Variants in TMTC2 observed in about 807,000 individuals in gnomAD.
The protein encoded by TMTC2 is transmembrane O-mannosyltransferase targeting cadherins 2.
Under a neutral mutation model 82.4 loss-of-function variants are expected in TMTC2, and 43 were observed. The ratio of observed to expected loss-of-function variants is 0.52; its 90% CI spans 0.41 to 0.67. The LOEUF is 0.67. TMTC2 is among the 30% of genes least tolerant of loss of function. The pLI, the probability that TMTC2 is intolerant of heterozygous loss-of-function variation, is 0.00. For missense variants in TMTC2, 919 were observed against 1,012.4 expected, an observed-to-expected ratio of 0.91 and a Z score of 1.25; for synonymous variants, 408 against 381.9, an observed-to-expected ratio of 1.07 and a Z score of -0.80.
intron 4 of TMTC2, among the ~76,000 whole-genome samples, chr12:82,932,018 G>A (rs771157614): frequency 1.1e-4 from 16 of 152,108 alleles, no homozygotes; most frequent in South Asian, 2.1e-4. Flanking sequence ...AGGTGCTTGC[G>A]GCTTGTGTTT....
At chr12:82,852,959 A>G (rs2083073306) in intron 1 of TMTC2, among the ~76,000 whole-genome samples, 1 of 152,336 alleles carries the variant, frequency 6.6e-6, no homozygotes, top group Admixed American at 6.5e-5. Context: ...GATAACACAC[A>G]TTGGAGAATT....
Position 82,940,754 on chromosome 12 carries a change from C to T in TMTC2, c.1598+10209C>T, listed in dbSNP as rs950105131. The stretch of plus-strand genomic sequence containing the variant: ...CCACCTTTTTTGCATAATACCTATA[C>T]ATCCTTTTTTTTCTCAGCTTAAGCA... On this transcript the variant is annotated intron_variant, in intron 4 of 11. Transcript: ENST00000321196. Among the ~76,000 whole-genome samples, 6 of 18,560 alleles carry T rather than the reference C, an allele frequency of 3.2e-4. 1 individual carries two copies. The highest frequency in any genetic ancestry group is 4.9e-4 in the Non-Finnish European group (6 of 12,126). The allele number at this position is 18,560 out of a possible 152,430, so 12.2% of individuals were successfully genotyped here.
chr12:82,837,304 T>A (rs540660610), intron 1 of TMTC2, among the ~76,000 whole-genome samples: 1 of 152,260 alleles, frequency 6.6e-6, no homozygotes, highest in South Asian at 2.1e-4. Context: ...TTAAATGATT[T>A]GATTCAATAA....
intron 10 of TMTC2, among the ~76,000 whole-genome samples, chr12:83,061,307 C>T (rs1360799971): frequency 1.3e-5 from 2 of 151,754 alleles, no homozygotes; most frequent in African/African-American, 2.4e-5. Flanking sequence ...AAGTTCCCTC[C>T]ATACTGGAAA....
At chr12:82,846,715 C>T (rs1870703837) in intron 1 of TMTC2, among the ~76,000 whole-genome samples, 1 of 152,126 alleles carries the variant, frequency 6.6e-6, no homozygotes. Context: ...TTCGGGGTCG[C>T]TGACCATTGG....
intron 1 of TMTC2, among the ~76,000 whole-genome samples, chr12:82,792,646 T>C (rs1774238961): frequency 6.6e-6 from 1 of 152,096 alleles, no homozygotes; most frequent in Admixed American, 6.5e-5. Flanking sequence ...TTTATTTTTT[T>C]CCATTTTTTG....
At chr12:82,767,228 G>A (rs1476564252) in intron 1 of TMTC2, among the ~76,000 whole-genome samples, 2 of 152,108 alleles carry the variant, frequency 1.3e-5, no homozygotes, top group African/African-American at 4.8e-5. Flanking sequence ...ATACTTTGTA[G>A]CTTTTTAATT....
At chr12:82,967,071 T>A in intron 7 of TMTC2, 74 bp downstream of exon 7, 1 of 1,161,870 alleles carries the variant, frequency 8.6e-7, no homozygotes, top group Non-Finnish European at 1.3e-6. Context: ...TGTTCGTGTT[T>A]AATGGAATTC....
chr12:82,773,181 A>C (rs1877398819), intron 1 of TMTC2, among the ~76,000 whole-genome samples: 1 of 152,110 alleles, frequency 6.6e-6, no homozygotes, highest in African/African-American at 2.4e-5. Context: ...TTCCTGAGTT[A>C]GTTATATTGG....
At chr12:82,869,896 C>T (rs1270773819) in intron 2 of TMTC2, among the ~76,000 whole-genome samples, 13 of 151,328 alleles carry the variant, frequency 8.6e-5, no homozygotes, top group African/African-American at 2.9e-4. Flanking sequence ...ATTTGAGGCC[C>T]ACAAAAATTA....
intron 1 of TMTC2, among the ~76,000 whole-genome samples, chr12:82,729,643 C>T (rs1874663166): frequency 6.6e-6 from 1 of 152,192 alleles, no homozygotes; most frequent in Non-Finnish European, 1.5e-5. Flanking sequence ...CCAATCAGCT[C>T]TCTGTAAAAC....
At chr12:82,692,578 C>T (rs1228207323) in intron 1 of TMTC2, among the ~76,000 whole-genome samples, 1 of 152,186 alleles carries the variant, frequency 6.6e-6, no homozygotes, top group Non-Finnish European at 1.5e-5. Flanking sequence ...CTGTGGCTGA[C>T]AAACCTACTT....
At chr12:82,729,936 C>T (rs995526924) in intron 1 of TMTC2, among the ~76,000 whole-genome samples, 6 of 152,150 alleles carry the variant, frequency 3.9e-5, no homozygotes, top group African/African-American at 9.6e-5. Flanking sequence ...ACTCCAGATG[C>T]GCTGCTTAAA....
At chr12:82,952,524 C>T (rs1012902988) in intron 4 of TMTC2, among the ~76,000 whole-genome samples, 12 of 151,974 alleles carry the variant, frequency 7.9e-5, no homozygotes, top group African/African-American at 2.9e-4. Context: ...CACACAGACA[C>T]ACACACACAC....
chr12:82,809,271 T>A (rs899519245), intron 1 of TMTC2, among the ~76,000 whole-genome samples: 1 of 152,040 alleles, frequency 6.6e-6, no homozygotes, highest in African/African-American at 2.4e-5. Context: ...CTTCATAAGA[T>A]TTTTTTAACA....
intron 1 of TMTC2, among the ~76,000 whole-genome samples, chr12:82,765,504 G>T (rs1021634661): frequency 1.3e-5 from 2 of 151,884 alleles, no homozygotes; most frequent in African/African-American, 2.4e-5. Flanking sequence ...AAGAAACCCC[G>T]TCTCTACTAC....
In TMTC2 at chr12:82,711,810, C is replaced by T. The variant is rs551929502; in HGVS notation, c.83+24141C>T. On this transcript the variant is annotated intron_variant, in intron 1 of 11. Coordinates refer to ENST00000321196, the MANE Select transcript of TMTC2 (RefSeq NM_152588.3). The stretch of plus-strand genomic sequence containing the variant: ...GAGCTAGAATCACTATGAGTGGTAG[C>T]ATTTCAGAATCAGAAGAATGGAAAG... Among the ~76,000 whole-genome samples the T allele has an allele frequency of 3.3e-5, 5 of 152,296 alleles. No homozygotes were observed. The South Asian group carries it at 1.0e-3, about 32-fold the overall frequency.
intron 1 of TMTC2, among the ~76,000 whole-genome samples, chr12:82,770,295 T>C (rs1343485669): frequency 6.6e-6 from 1 of 152,196 alleles, no homozygotes; most frequent in African/African-American, 2.4e-5. Flanking sequence ...TTCAATTTGC[T>C]TCTGGTCATT....
At chr12:83,073,490 GTTCT>G (rs1431713799) in intron 11 of TMTC2, among the ~76,000 whole-genome samples, 1 of 152,156 alleles carries the variant, frequency 6.6e-6, no homozygotes, top group Non-Finnish European at 1.5e-5. Context: ...TTTTCCAGGT[GTTCT>G]TTGTGTTTCT....
Sources: gnomAD v4.1 joint callset for allele counts (sites outside exome capture counted in the v4.1 genomes callset) on GRCh38, gnomAD v4.1.1 for gene constraint, MANE v1.5 for transcripts, NCBI Gene and HGNC (gene_info 2026-07-23, HGNC 2026-07-21) for gene names.